The following VEGFC variants were observed in gnomAD, a reference collection of about 807,000 sequenced individuals.
VEGFC encodes vascular endothelial growth factor C.
VEGFC carries 12 observed loss-of-function variants against 46.1 expected under a neutral mutation model. The observed-to-expected ratio is 0.26, with a 90% CI of 0.17 to 0.42. The LOEUF (loss-of-function observed/expected upper bound fraction) is 0.42. Among genes scored for constraint, VEGFC ranks in the 10% least tolerant of loss-of-function variants. The probability of loss-of-function intolerance (pLI) is 1.00; values close to 1 mark genes in which losing one functional copy is unlikely to be tolerated. For missense variants in VEGFC, 488 were observed against 529.4 expected (o/e 0.92, Z 0.77); for synonymous variants, 232 against 195.5 (o/e 1.19, Z -1.56).
chr4:176,709,869 C>T (rs1734591750), intron 4 of VEGFC, among the ~76,000 whole-genome samples: 1 of 152,144 alleles, frequency 6.6e-6, no homozygotes, highest in South Asian at 2.1e-4. Flanking sequence ...AATATCACTG[C>T]ATTAGATCAG....
At chr4:176,732,499 G>C (rs954175455) in intron 1 of VEGFC, among the ~76,000 whole-genome samples, 5 of 151,890 alleles carry the variant, frequency 3.3e-5, no homozygotes, top group African/African-American at 1.2e-4. Flanking sequence ...ACTAAAAATG[G>C]ACCAAACTAG....
chr4:176,696,863 G>A (rs1734324229), intron 4 of VEGFC, among the ~76,000 whole-genome samples: 1 of 152,130 alleles, frequency 6.6e-6, no homozygotes, highest in Non-Finnish European at 1.5e-5. Context: ...TGACAAACCT[G>A]AGAAAAACAA....
In VEGFC at chr4:176,787,703, G is replaced by GA. The variant is rs550215607; in HGVS notation, c.147+4461dup. 5.2e-3 allele frequency among the ~76,000 whole-genome samples: 765 copies of GA among 147,956 alleles called. 5 individuals carry two copies. The highest frequency in any genetic ancestry group is 8.3e-3 in the Non-Finnish European group (553 of 66,792). On this transcript the variant is annotated intron_variant, in intron 1 of 6. Coordinates refer to ENST00000618562, the MANE Select transcript of VEGFC (RefSeq NM_005429.5). ...TTTCTCATGGTTAAACATAAACTCTGAAAAAAAAAATTAATCAACCGAGGA... is the reference window on the plus strand; with the variant it reads ...TTTCTCATGGTTAAACATAAACTCTGAAAAAAAAAAATTAATCAACCGAGGA...
intron 1 of VEGFC, among the ~76,000 whole-genome samples, chr4:176,737,613 C>T (rs1043589246): frequency 6.6e-6 from 1 of 151,196 alleles, no homozygotes; most frequent in East Asian, 1.9e-4. Flanking sequence ...AGATTCTGAA[C>T]AGAATAATCA....
chr4:176,689,046 T>C (rs1280567490), intron 4 of VEGFC, among the ~76,000 whole-genome samples: 1 of 152,224 alleles, frequency 6.6e-6, no homozygotes, highest in African/African-American at 2.4e-5. Flanking sequence ...GTTTTAAATA[T>C]GCTAATTTAC....
At chr4:176,692,889 T>C (rs1734232021) in intron 4 of VEGFC, among the ~76,000 whole-genome samples, 3 of 145,816 alleles carry the variant, frequency 2.1e-5, no homozygotes. Context: ...CACAGCAGGG[T>C]ATTCCAACAG....
At chr4:176,709,546 G>A (rs1018191968) in intron 4 of VEGFC, among the ~76,000 whole-genome samples, 1 of 152,180 alleles carries the variant, frequency 6.6e-6, no homozygotes, top group East Asian at 1.9e-4. Context: ...TGAACTCTGA[G>A]AAATGGAGAG....
chr4:176,740,840 A>G (rs1479361938), intron 1 of VEGFC, among the ~76,000 whole-genome samples: 3 of 151,852 alleles, frequency 2.0e-5, no homozygotes, highest in Non-Finnish European at 2.9e-5. Context: ...ACAGTTTTAT[A>G]TATGTAGAAC....
At chr4:176,741,805 T>C (rs188536064) in intron 1 of VEGFC, among the ~76,000 whole-genome samples, 1 of 152,130 alleles carries the variant, frequency 6.6e-6, no homozygotes, top group East Asian at 1.9e-4. Context: ...TAACCAGATT[T>C]TGGAAGAAAA....
chr4:176,751,071 G>C (rs952308588), intron 1 of VEGFC, among the ~76,000 whole-genome samples: 10 of 151,532 alleles, frequency 6.6e-5, no homozygotes, highest in African/African-American at 2.4e-4. Flanking sequence ...ATAAGACTGA[G>C]AATAATAAAT....
intron 1 of VEGFC, among the ~76,000 whole-genome samples, chr4:176,759,501 A>C (rs1193801437): frequency 6.6e-6 from 1 of 152,116 alleles, no homozygotes; most frequent in Non-Finnish European, 1.5e-5. Flanking sequence ...TGTTGTGTAC[A>C]GGGTACAGTT....
At chr4:176,775,007 T>C (rs1159648848) in intron 1 of VEGFC, among the ~76,000 whole-genome samples, 2 of 152,192 alleles carry the variant, frequency 1.3e-5, no homozygotes, top group Non-Finnish European at 2.9e-5. Flanking sequence ...CAAAGTGCCT[T>C]GAGCAGAGGA....
intron 1 of VEGFC, among the ~76,000 whole-genome samples, chr4:176,768,491 C>CATATATATAT (rs145504348): frequency 0.03 from 3,058 of 100,494 alleles, 128 homozygotes; most frequent in East Asian, 0.076. Flanking sequence ...ATGTTTTATA[C>CATATATATAT]ATATATATAT....
intron 3 of VEGFC, among the ~76,000 whole-genome samples, chr4:176,714,989 A>G (rs1374669506): frequency 6.6e-6 from 1 of 152,250 alleles, no homozygotes; most frequent in Non-Finnish European, 1.5e-5. Flanking sequence ...CAGGTAAAAC[A>G]GCACTAAAAC....
intron 1 of VEGFC, among the ~76,000 whole-genome samples, chr4:176,777,154 A>G (rs1344292084): frequency 1.3e-5 from 2 of 152,080 alleles, no homozygotes; most frequent in Admixed American, 6.5e-5. Flanking sequence ...TCTACTAAAA[A>G]AAAATACAAA....
chr4:176,716,342 T>C (rs1579102722), intron 3 of VEGFC, among the ~76,000 whole-genome samples: 1 of 151,802 alleles, frequency 6.6e-6, no homozygotes, highest in African/African-American at 2.4e-5. Context: ...TTTGGGAGGC[T>C]GAGGTGGGAG....
intron 4 of VEGFC, among the ~76,000 whole-genome samples, chr4:176,702,292 T>C (rs1018337152): frequency 6.6e-6 from 1 of 151,630 alleles, no homozygotes; most frequent in Admixed American, 6.6e-5. Context: ...AGCAAATAAA[T>C]AAATATGCAA....
chr4:176,778,340 T>C (rs1735850222), intron 1 of VEGFC, among the ~76,000 whole-genome samples: 1 of 152,052 alleles, frequency 6.6e-6, no homozygotes. Flanking sequence ...TTGCTCACAA[T>C]TATAATTGGG....
At chr4:176,768,324 G>A (rs1304972838) in intron 1 of VEGFC, among the ~76,000 whole-genome samples, 1 of 151,848 alleles carries the variant, frequency 6.6e-6, no homozygotes, top group Non-Finnish European at 1.5e-5. Context: ...ATAGAGGACA[G>A]TGGGCTGAGC....
Sources: gnomAD v4.1 joint callset for allele counts (sites outside exome capture counted in the v4.1 genomes callset) on GRCh38, gnomAD v4.1.1 for gene constraint, MANE v1.5 for transcripts, NCBI Gene and HGNC (gene_info 2026-07-23, HGNC 2026-07-21) for gene names.